STS: variants seen among roughly 807,000 people sequenced by gnomAD.
The protein encoded by STS is steroid sulfatase.
A neutral mutation model predicts 26.8 loss-of-function variants in STS; 7 were observed. That is an observed-to-expected ratio of 0.26 (90% confidence interval 0.15 to 0.49). STS has a LOEUF of 0.49. Among genes scored for constraint, STS ranks in the 20% least tolerant of loss-of-function variants. The probability of loss-of-function intolerance (pLI) is 0.98; values close to 1 mark genes in which losing one functional copy is unlikely to be tolerated. For missense variants in STS, 434 were observed against 465.6 expected (o/e 0.93, Z 0.63); for synonymous variants, 199 against 189.4 (o/e 1.05, Z -0.42).
chrX:7,177,751 G>A (rs750698797), intron 1 of STS, among the ~76,000 whole-genome samples: 3 of 110,613 alleles, frequency 2.7e-5, no homozygotes, highest in African/African-American at 9.9e-5. Context: ...CTGACCTCAA[G>A]TGATCCACCC....
chrX:7,263,815 G>A (rs1253065745), intron 6 of STS, among the ~76,000 whole-genome samples: 1 of 92,859 alleles, frequency 1.1e-5, no homozygotes, highest in Non-Finnish European at 2.3e-5. Context: ...ATGTGTGTGT[G>A]TTTGTGTATA....
chrX:7,316,855 G>A (rs751726566), intron 8 of STS, among the ~76,000 whole-genome samples: 88 of 111,805 alleles, frequency 7.9e-4, no homozygotes, highest in Non-Finnish European at 1.4e-3. Context: ...ACACTTCAAC[G>A]GGGTTTGCCT....
intron 8 of STS, among the ~76,000 whole-genome samples, chrX:7,320,576 G>T (rs1280740842): frequency 4.5e-5 from 5 of 111,747 alleles, no homozygotes; most frequent in Non-Finnish European, 1.9e-5. Context: ...AAGTGAAGAT[G>T]GTGTGAGTTT....
intron 8 of STS, among the ~76,000 whole-genome samples, chrX:7,311,934 A>G (rs1926496682): frequency 9.1e-6 from 1 of 110,430 alleles, no homozygotes; most frequent in Admixed American, 9.5e-5. Context: ...GGCTGAGGTA[A>G]GAGGATCGCT....
intron 6 of STS, among the ~76,000 whole-genome samples, chrX:7,268,212 C>G (rs1924100270): frequency 8.9e-6 from 1 of 112,241 alleles, no homozygotes; most frequent in Non-Finnish European, 1.9e-5. Context: ...TAAATAAATA[C>G]TCCTTTCTAC....
At chrX:7,254,875 G>A (rs1158235434) in intron 3 of STS, among the ~76,000 whole-genome samples, 1 of 111,259 alleles carries the variant, frequency 9.0e-6, no homozygotes, top group Non-Finnish European at 1.9e-5. Context: ...GAGCCACTGC[G>A]CCGGCCCAGA....
intron 8 of STS, among the ~76,000 whole-genome samples, chrX:7,321,535 A>G (rs766503195): frequency 8.9e-6 from 1 of 112,475 alleles, no homozygotes; most frequent in African/African-American, 3.2e-5. Flanking sequence ...TGTAAAGGTT[A>G]GAAAAACAAA....
At chrX:7,287,270 T>G (rs1173384427) in intron 7 of STS, among the ~76,000 whole-genome samples, 9 of 111,668 alleles carry the variant, frequency 8.1e-5, no homozygotes. Context: ...TGCCTCAGTC[T>G]TCTGTGTTTT....
Position 7,350,492 on chromosome X carries a change from T to C in STS, c.*231T>C. On this transcript the variant is annotated 3_prime_UTR_variant, in exon 11 of 11. Coordinates refer to ENST00000674429, the MANE Select transcript of STS (RefSeq NM_001320752.2). Reference sequence around the variant, plus strand: ...AGGAAGATGGTAGGTTTATGCCTTCTGTGGCCAGAGTCTTGGACTCATGGA... The same window carrying C: ...AGGAAGATGGTAGGTTTATGCCTTCCGTGGCCAGAGTCTTGGACTCATGGA... The C allele has an allele frequency of 4.5e-6, 2 of 442,568 alleles. No individual in the cohort carries two copies. Among genetic ancestry groups the C allele is most frequent in the East Asian group, 7.7e-5 (2 of 26,057 alleles). The allele number at this position is 442,568 out of a possible 1,213,427, so 36.5% of individuals were successfully genotyped here.
chrX:7,282,640 T>G (rs1373005386), intron 7 of STS, among the ~76,000 whole-genome samples: 1 of 112,904 alleles, frequency 8.9e-6, no homozygotes, highest in African/African-American at 3.2e-5. Flanking sequence ...TCTCCTTGCA[T>G]GCTGTCTGAG....
intron 2 of STS, among the ~76,000 whole-genome samples, chrX:7,240,554 A>ATAT (rs2147068980): frequency 1.2e-5 from 1 of 82,812 alleles, no homozygotes; most frequent in South Asian, 7.0e-4. Flanking sequence ...TATATATATA[A>ATAT]AATGGATCCC....
intron 3 of STS, among the ~76,000 whole-genome samples, chrX:7,256,984 G>A (rs1437097275): frequency 8.9e-6 from 1 of 112,156 alleles, no homozygotes; most frequent in African/African-American, 3.2e-5. Flanking sequence ...GGGCACAGTG[G>A]CTCACGCCTG....
intron 2 of STS, among the ~76,000 whole-genome samples, chrX:7,204,830 C>T (rs980783659): frequency 2.8e-5 from 3 of 106,440 alleles, no homozygotes; most frequent in African/African-American, 1.0e-4. Context: ...ATCCCTTCTT[C>T]CCTCCTCCCC....
At chrX:7,205,044 C>G (rs5934671) in intron 2 of STS, among the ~76,000 whole-genome samples, 30,768 of 111,049 alleles carry the variant, frequency 0.28, 3,333 homozygotes, top group Non-Finnish European at 0.33. Flanking sequence ...TGTTGTTGTA[C>G]ACACACTGGT....
At chrX:7,187,817 A>G (rs1173040280) in intron 1 of STS, among the ~76,000 whole-genome samples, 1 of 111,582 alleles carries the variant, frequency 9.0e-6, no homozygotes, top group African/African-American at 3.3e-5. Flanking sequence ...TCTCAGAATT[A>G]TGGACAACGG....
intron 1 of STS, among the ~76,000 whole-genome samples, chrX:7,158,906 C>G (rs1329336671): frequency 9.0e-6 from 1 of 111,470 alleles, no homozygotes; most frequent in African/African-American, 3.3e-5. Context: ...CAAAACATGG[C>G]CTTTTGGTAA....
intron 1 of STS, among the ~76,000 whole-genome samples, chrX:7,154,345 C>A (rs955400049): frequency 8.9e-6 from 1 of 112,250 alleles, no homozygotes; most frequent in South Asian, 3.7e-4. Flanking sequence ...GTCACTTCTC[C>A]GAAGTGTTTA....
chrX:7,307,561 A>G (rs1307823238), intron 8 of STS, among the ~76,000 whole-genome samples: 2 of 111,929 alleles, frequency 1.8e-5, no homozygotes, highest in Admixed American at 9.5e-5. Context: ...TCATAAGTCT[A>G]TACATGGAGA....
chrX:7,316,062 C>T (rs1235893218), intron 8 of STS, among the ~76,000 whole-genome samples: 6 of 111,675 alleles, frequency 5.4e-5, no homozygotes, highest in Non-Finnish European at 9.4e-5. Flanking sequence ...AGGACATTTT[C>T]GTGGGACTCA....
Sources: allele counts gnomAD v4.1 joint callset (sites outside exome capture counted in the v4.1 genomes callset), GRCh38; gene constraint gnomAD v4.1.1; transcripts MANE v1.5; gene names NCBI Gene and HGNC (gene_info 2026-07-23, HGNC 2026-07-21).